Variants in DGKB observed in about 807,000 individuals in gnomAD.
DGKB encodes diacylglycerol kinase beta.
In DGKB, 67 loss-of-function variants were observed where a neutral mutation model predicts 114.3. That is an observed-to-expected ratio of 0.59 (90% CI 0.48 to 0.72). The LOEUF (loss-of-function observed/expected upper bound fraction) is 0.72, where lower values mean the gene tolerates loss of function less well. Among genes scored for constraint, DGKB ranks in the 30% least tolerant of loss-of-function variants. DGKB has a pLI of 0.00. For synonymous variants in DGKB, 398 were observed against 323.1 expected (o/e 1.23, Z -2.49); for missense variants, 907 against 975.2 (o/e 0.93, Z 0.93).
intron 20 of DGKB, among the ~76,000 whole-genome samples, chr7:14,544,410 C>T (rs1793960666): frequency 1.3e-5 from 2 of 152,174 alleles, no homozygotes; most frequent in Admixed American, 1.3e-4. Context: ...GCTTGTAGAA[C>T]AAAGTGAATA....
At chr7:14,202,844 T>A (rs2128291730) in intron 23 of DGKB, among the ~76,000 whole-genome samples, 1 of 152,076 alleles carries the variant, frequency 6.6e-6, no homozygotes, top group Non-Finnish European at 1.5e-5. Context: ...AATGGTGATT[T>A]ATTTTTTTCC....
chr7:14,521,414 T>C (rs1356708790), intron 20 of DGKB, among the ~76,000 whole-genome samples: 4 of 152,180 alleles, frequency 2.6e-5, no homozygotes. Context: ...GCAGATCACT[T>C]GATATTTATC....
chr7:14,962,728 A>C (rs1217762326), intron 1 of DGKB, among the ~76,000 whole-genome samples: 1 of 151,524 alleles, frequency 6.6e-6, no homozygotes, highest in East Asian at 1.9e-4. Flanking sequence ...AAGGCTAATA[A>C]AGTTTCTTAC....
chr7:14,424,732 C>T (rs1827238533), intron 21 of DGKB, among the ~76,000 whole-genome samples: 1 of 152,050 alleles, frequency 6.6e-6, no homozygotes. Context: ...TGCTTCAAAA[C>T]TCTCCCAATT....
chr7:14,428,259 G>A (rs1827883840), intron 21 of DGKB, among the ~76,000 whole-genome samples: 1 of 151,618 alleles, frequency 6.6e-6, no homozygotes, highest in Admixed American at 6.6e-5. Flanking sequence ...TCTGTTCTCT[G>A]AGCCCCTTAT....
intron 23 of DGKB, among the ~76,000 whole-genome samples, chr7:14,242,970 T>C (rs1793908203): frequency 6.6e-6 from 1 of 152,026 alleles, no homozygotes; most frequent in African/African-American, 2.4e-5. Flanking sequence ...TGCACATTTG[T>C]TAACAGAGGT....
chr7:14,809,082 G>C (rs1339686883), intron 2 of DGKB, among the ~76,000 whole-genome samples: 1 of 152,074 alleles, frequency 6.6e-6, no homozygotes, highest in Non-Finnish European at 1.5e-5. Context: ...TGTAGGTTGA[G>C]TTTTCTCTTA....
intron 2 of DGKB, among the ~76,000 whole-genome samples, chr7:14,838,621 C>A (rs988036287): frequency 6.6e-6 from 1 of 152,062 alleles, no homozygotes; most frequent in Non-Finnish European, 1.5e-5. Context: ...AAATCTGAAT[C>A]CCCACTTTTC....
intron 1 of DGKB, among the ~76,000 whole-genome samples, chr7:14,890,632 G>A (rs769766761): frequency 1.7e-4 from 25 of 151,210 alleles, no homozygotes; most frequent in Non-Finnish European, 2.2e-4. Context: ...TTCTGTTACT[G>A]TGGGCATATT....
At chr7:14,666,495 G>C (rs1818047385) in intron 13 of DGKB, among the ~76,000 whole-genome samples, 1 of 151,960 alleles carries the variant, frequency 6.6e-6, no homozygotes, top group African/African-American at 2.4e-5. Flanking sequence ...GGCCAGCTGA[G>C]ATTTCAGTGT....
At chr7:14,199,266 G>A (rs1200885923) in intron 23 of DGKB, among the ~76,000 whole-genome samples, 8 of 151,984 alleles carry the variant, frequency 5.3e-5, no homozygotes, top group Non-Finnish European at 7.4e-5. Flanking sequence ...GTAATTGAGC[G>A]TGATGGGTCT....
intron 15 of DGKB, among the ~76,000 whole-genome samples, chr7:14,618,582 T>G (rs1327981666): frequency 6.6e-6 from 1 of 151,580 alleles, no homozygotes; most frequent in Admixed American, 6.6e-5. Flanking sequence ...TCAATTACAT[T>G]TGATCATATG....
intron 21 of DGKB, among the ~76,000 whole-genome samples, chr7:14,358,477 T>A (rs1247768457): frequency 6.6e-6 from 1 of 152,114 alleles, no homozygotes; most frequent in African/African-American, 2.4e-5. Context: ...CTTATTCTAG[T>A]TAGCCATATT....
At chr7:14,717,034 T>A (rs905415849) in intron 6 of DGKB, among the ~76,000 whole-genome samples, 6 of 151,014 alleles carry the variant, frequency 4.0e-5, no homozygotes, top group Admixed American at 2.7e-4. Context: ...TTGAGAACAC[T>A]AAAGAAAAGT....
In DGKB at chr7:14,604,802, C is replaced by G. The variant is rs1212193788; in HGVS notation, c.1433+2632G>C. On this transcript the variant is annotated intron_variant, in intron 17 of 25. Coordinates refer to ENST00000402815, the MANE Select transcript of DGKB (RefSeq NM_001350709.2). Reference sequence around the variant, plus strand: ...TTCAGAGAAAGGGCAACATCATAGCCTGGCCAGAGTCCCCGTTCTGAGCAA... The same window carrying G: ...TTCAGAGAAAGGGCAACATCATAGCGTGGCCAGAGTCCCCGTTCTGAGCAA... Among the ~76,000 whole-genome samples the G allele has an allele frequency of 2.0e-5, 3 of 152,056 alleles. No individual in the cohort carries two copies. In the South Asian group the frequency reaches 6.2e-4, roughly 32 times the overall value.
At chr7:14,388,368 ATATT>A in intron 21 of DGKB, among the ~76,000 whole-genome samples, 1 of 148,072 alleles carries the variant, frequency 6.8e-6, no homozygotes, top group Non-Finnish European at 1.5e-5. Context: ...ATATATACAT[ATATT>A]TAAGTGTATA....
intron 23 of DGKB, among the ~76,000 whole-genome samples, chr7:14,249,821 A>G (rs961816668): frequency 1.3e-4 from 19 of 151,934 alleles, no homozygotes; most frequent in Non-Finnish European, 2.6e-4. Context: ...TCTCATGTTT[A>G]TTTCATTTAT....
intron 1 of DGKB, among the ~76,000 whole-genome samples, chr7:14,896,152 G>C (rs1054986770): frequency 1.3e-5 from 2 of 151,644 alleles, no homozygotes; most frequent in African/African-American, 4.8e-5. Flanking sequence ...ACAAATAGCA[G>C]AGTAGCCAAT....
chr7:14,405,117 T>C (rs76503855), intron 21 of DGKB, among the ~76,000 whole-genome samples: 1 of 151,914 alleles, frequency 6.6e-6, no homozygotes, highest in East Asian at 1.9e-4. Context: ...ACATTTCAAA[T>C]TATTCTGCCT....
Sources: gnomAD v4.1 joint callset for allele counts (sites outside exome capture counted in the v4.1 genomes callset) on GRCh38, gnomAD v4.1.1 for gene constraint, MANE v1.5 for transcripts, NCBI Gene and HGNC (gene_info 2026-07-23, HGNC 2026-07-21) for gene names.